The following MGLL variants were observed in gnomAD, a reference collection of about 807,000 sequenced individuals.
The protein encoded by MGLL is monoglyceride lipase, also known as lysophospholipase homolog.
A neutral mutation model predicts 29.1 loss-of-function variants in MGLL; 7 were observed. The ratio of observed to expected loss-of-function variants is 0.24; its 90% CI spans 0.14 to 0.45. The LOEUF is 0.45. Ranked by LOEUF, MGLL falls within the 20% of genes least tolerant of loss-of-function variation. The pLI, the probability that MGLL is intolerant of heterozygous loss-of-function variation, is 0.99. For synonymous variants in MGLL, 148 were observed against 168.3 expected (o/e 0.88, Z 0.93); for missense variants, 356 against 413.6 (o/e 0.86, Z 1.21).
At position 127,781,808 on chromosome 3, in the gene MGLL, C is replaced by A. The variant is rs2077130304; in HGVS notation, c.243G>T (p.Leu81=). Residue 81 remains leucine, a synonymous_variant, in exon 3 of 8, where the codon CTG becomes CTT. Coordinates refer to ENST00000265052, the MANE Select transcript of MGLL (RefSeq NM_007283.7). ...ACTCACCATGGTCGTGGGCGAACAC[C>A]AGCAGGTCCAGCCCCATCAGCATCC... ...LARMLMGLDL[L]VFAHDHVGHG... 1.2e-6 allele frequency: 2 copies of A among 1,613,978 alleles called. No individual in the cohort carries two copies. Among genetic ancestry groups the A allele is most frequent in the Admixed American group, 1.7e-5 (1 of 59,998 alleles).
At chr3:127,732,890 G>T (rs2076176363) in intron 3 of MGLL, among the ~76,000 whole-genome samples, 1 of 152,204 alleles carries the variant, frequency 6.6e-6, no homozygotes, top group African/African-American at 2.4e-5. Context: ...AGGAGGTTCA[G>T]TGACTTTTCC....
chr3:127,797,771 G>C (rs1034574633), intron 2 of MGLL, among the ~76,000 whole-genome samples: 1 of 152,074 alleles, frequency 6.6e-6, no homozygotes, highest in African/African-American at 2.4e-5. Flanking sequence ...CCACTGCCCA[G>C]CTGATTTTTA....
chr3:127,787,479 G>T (rs182756160), intron 2 of MGLL, among the ~76,000 whole-genome samples: 1 of 152,222 alleles, frequency 6.6e-6, no homozygotes, highest in Non-Finnish European at 1.5e-5. Flanking sequence ...GCAATGCCAG[G>T]CTCCCTTAAA....
intron 3 of MGLL, among the ~76,000 whole-genome samples, chr3:127,726,292 AAGGG>A (rs58130464): frequency 0.72 from 81,459 of 113,886 alleles, 25,732 homozygotes; most frequent in African/African-American, 0.73. Flanking sequence ...GGAAGGAAGG[AAGGG>A]AGGGAGGGAG....
chr3:127,795,127 G>C (rs1160995844), intron 2 of MGLL, among the ~76,000 whole-genome samples: 1 of 152,162 alleles, frequency 6.6e-6, no homozygotes, highest in Non-Finnish European at 1.5e-5. Context: ...ATCAACCTAG[G>C]TGCCCATCAA....
rs2076371475 is a variant in MGLL at position 127,742,937 on chromosome 3, C to T, written c.263-20371G>A. Reference sequence around the variant, plus strand: ...TCAAGTGATTCTCCTGCCTCAGCCTCTCGAGTAGCTGGGATTACAGGTGCC... The same window carrying T: ...TCAAGTGATTCTCCTGCCTCAGCCTTTCGAGTAGCTGGGATTACAGGTGCC... On this transcript the variant is annotated intron_variant, in intron 3 of 7. Coordinates refer to ENST00000265052, the MANE Select transcript of MGLL (RefSeq NM_007283.7). Among the ~76,000 whole-genome samples the T allele has an allele frequency of 2.6e-5, 4 of 152,298 alleles. No homozygotes were observed. In the South Asian group the frequency reaches 8.3e-4, roughly 32 times the overall value.
chr3:127,790,666 G>A (rs776571659), intron 2 of MGLL, among the ~76,000 whole-genome samples: 11 of 152,080 alleles, frequency 7.2e-5, no homozygotes, highest in African/African-American at 1.4e-4. Context: ...AATGAGACCC[G>A]GTCCACTGCC....
chr3:127,791,916 A>G (rs2077306740), intron 2 of MGLL, among the ~76,000 whole-genome samples: 1 of 152,224 alleles, frequency 6.6e-6, no homozygotes, highest in Admixed American at 6.5e-5. Flanking sequence ...ACTAAAATAC[A>G]AAACAGCCGG....
At chr3:127,729,787 C>G (rs977472901) in intron 3 of MGLL, among the ~76,000 whole-genome samples, 1 of 152,168 alleles carries the variant, frequency 6.6e-6, no homozygotes, top group South Asian at 2.1e-4. Context: ...ATTATAGGAG[C>G]CTGCCCTTGA....
At chr3:127,726,230 A>G (rs2076042408) in intron 3 of MGLL, among the ~76,000 whole-genome samples, 3 of 147,304 alleles carry the variant, frequency 2.0e-5, no homozygotes, top group Admixed American at 2.0e-4. Flanking sequence ...AAGAGAAAGA[A>G]AGAGGAAGGA....
At chr3:127,703,149 A>G (rs2075531405) in intron 6 of MGLL, among the ~76,000 whole-genome samples, 2 of 152,186 alleles carry the variant, frequency 1.3e-5, no homozygotes, top group South Asian at 4.1e-4. Context: ...CACAACCAGA[A>G]GTGATGCAAA....
At chr3:127,751,207 G>T (rs60028483) in intron 3 of MGLL, among the ~76,000 whole-genome samples, 1 of 151,970 alleles carries the variant, frequency 6.6e-6, no homozygotes, top group Non-Finnish European at 1.5e-5. Context: ...CATTCGGTAG[G>T]CTGACTGCAA....
chr3:127,763,271 T>C (rs1394257182), intron 3 of MGLL, among the ~76,000 whole-genome samples: 2 of 152,168 alleles, frequency 1.3e-5, no homozygotes, highest in East Asian at 3.8e-4. Flanking sequence ...ATCTCCAAGA[T>C]GGATTTGAAG....
intron 6 of MGLL, among the ~76,000 whole-genome samples, chr3:127,706,507 G>A (rs2075604780): frequency 6.6e-6 from 1 of 152,188 alleles, no homozygotes; most frequent in South Asian, 2.1e-4. Flanking sequence ...ACTGGGAGCG[G>A]GTCCAGAGCT....
At chr3:127,736,270 G>T in intron 3 of MGLL, 2 of 986,092 alleles carry the variant, frequency 2.0e-6, no homozygotes, top group Non-Finnish European at 2.4e-6. Context: ...ATTACTCTAG[G>T]ATGTGAGATA....
intron 3 of MGLL, among the ~76,000 whole-genome samples, chr3:127,724,613 T>A (rs1242425804): frequency 6.6e-6 from 1 of 152,130 alleles, no homozygotes; most frequent in African/African-American, 2.4e-5. Flanking sequence ...GGTGATTCTG[T>A]GTTGAATTTT....
chr3:127,751,056 T>C (rs2076549244), intron 3 of MGLL, among the ~76,000 whole-genome samples: 1 of 152,196 alleles, frequency 6.6e-6, no homozygotes, highest in Non-Finnish European at 1.5e-5. Context: ...TCTGGGTGTC[T>C]GGATTACAGC....
chr3:127,762,551 C>T (rs2076784536), intron 3 of MGLL, among the ~76,000 whole-genome samples: 2 of 152,148 alleles, frequency 1.3e-5, no homozygotes, highest in South Asian at 4.1e-4. Context: ...GTGCACAGAA[C>T]CTGGTTCTGG....
chr3:127,734,080 C>T (rs1277000280), intron 3 of MGLL, among the ~76,000 whole-genome samples: 2 of 152,340 alleles, frequency 1.3e-5, no homozygotes, highest in Non-Finnish European at 2.9e-5. Context: ...GTGGTGGAGC[C>T]GGGTTGGTCT....
Sources: allele counts gnomAD v4.1 joint callset (sites outside exome capture counted in the v4.1 genomes callset), GRCh38; gene constraint gnomAD v4.1.1; transcripts MANE v1.5; gene names NCBI Gene and HGNC (gene_info 2026-07-23, HGNC 2026-07-21).